The following SHC4 variants were observed in gnomAD, a reference collection of about 807,000 sequenced individuals.
SHC4 encodes the protein SHC-transforming protein 4.
SHC4 carries 41 observed loss-of-function variants against 69.4 expected under a neutral mutation model. That is an observed-to-expected ratio of 0.59 (90% CI 0.46 to 0.77). The LOEUF is 0.77. Ranked by LOEUF, SHC4 falls within the 30% of genes least tolerant of loss-of-function variation. SHC4 has a pLI of 0.00. For missense variants in SHC4, 777 were observed against 783.8 expected, an observed-to-expected ratio of 0.99 and a Z score of 0.10; for synonymous variants, 318 against 299.3, an observed-to-expected ratio of 1.06 and a Z score of -0.64.
chr15:48,901,337 G>A (rs939355283), intron 2 of SHC4, among the ~76,000 whole-genome samples: 1 of 152,104 alleles, frequency 6.6e-6, no homozygotes, highest in Non-Finnish European at 1.5e-5. Flanking sequence ...TCTTTTGCAA[G>A]GATTGTTTAT....
At chr15:48,878,246 G>A (rs1899860591) in intron 4 of SHC4, 2 of 1,611,394 alleles carry the variant, frequency 1.2e-6, no homozygotes, top group Non-Finnish European at 1.7e-6. Context: ...TGTGATGCCT[G>A]GCGAGGGTGA....
intron 2 of SHC4, among the ~76,000 whole-genome samples, chr15:48,920,491 T>G (rs530909531): frequency 1.3e-5 from 2 of 151,010 alleles, no homozygotes; most frequent in East Asian, 3.9e-4. Flanking sequence ...TAGTTGTATG[T>G]AAAAATAAAA....
At chr15:48,956,751 A>T (rs1901460243) in intron 1 of SHC4, among the ~76,000 whole-genome samples, 1 of 152,134 alleles carries the variant, frequency 6.6e-6, no homozygotes, top group Non-Finnish European at 1.5e-5. Flanking sequence ...AGGGTGCTAA[A>T]ATAGAAGTGA....
chr15:48,865,944 G>A (rs560517516), intron 6 of SHC4, among the ~76,000 whole-genome samples: 3 of 152,264 alleles, frequency 2.0e-5, no homozygotes, highest in South Asian at 4.1e-4. Flanking sequence ...GCAGGCATGT[G>A]GATCCTTCTT....
At chr15:48,906,734 C>T (rs12232276) in intron 2 of SHC4, among the ~76,000 whole-genome samples, 20,509 of 152,174 alleles carry the variant, frequency 0.13, 1,490 homozygotes, top group East Asian at 0.18. Context: ...TTGTTTACTG[C>T]TCCTCAGGTT....
At chr15:48,891,911 G>T (rs1435831534) in intron 2 of SHC4, among the ~76,000 whole-genome samples, 2 of 152,088 alleles carry the variant, frequency 1.3e-5, no homozygotes, top group Non-Finnish European at 2.9e-5. Flanking sequence ...CTGGAGTGCA[G>T]TGGCGCGATC....
At chr15:48,876,578 G>A (rs1368485735) in intron 4 of SHC4, 2 of 696,332 alleles carry the variant, frequency 2.9e-6, no homozygotes, top group Admixed American at 2.0e-5. Context: ...TAGGCTGTCT[G>A]CAGGCTAAGG....
chr15:48,962,956 C>T lies in SHC4; in HGVS notation c.60G>A (p.Gly20=), dbSNP rs1221707430. ...TGGCCCTGTGCAGCATCCCGGGGTG[C>T]CCGAAGAGTCCTACATACAGCACGA... ...AGLVLYVGLF[G]HPGMLHRAKY... is the part of the protein sequence containing the mutation. The change falls in exon 1 of 12, where the codon GGG becomes GGA. Residue 20 remains glycine, a synonymous_variant. Coordinates refer to ENST00000332408, the MANE Select transcript of SHC4 (RefSeq NM_203349.4). The T allele has an allele frequency of 2.5e-6, 4 of 1,612,928 alleles. No homozygotes were observed. The highest frequency in any genetic ancestry group is 3.4e-6 in the Non-Finnish European group (4 of 1,179,956).
At chr15:48,862,383 T>C (rs536976106) in intron 6 of SHC4, among the ~76,000 whole-genome samples, 8 of 152,296 alleles carry the variant, frequency 5.3e-5, no homozygotes, top group African/African-American at 1.7e-4. Flanking sequence ...AAGCAGGGTG[T>C]ATTAATCACT....
chr15:48,939,872 G>T (rs1347579253), intron 1 of SHC4, among the ~76,000 whole-genome samples: 2 of 152,200 alleles, frequency 1.3e-5, no homozygotes, highest in Non-Finnish European at 2.9e-5. Context: ...TGCTCTGAAA[G>T]GTTAGGCAAA....
intron 2 of SHC4, among the ~76,000 whole-genome samples, chr15:48,908,898 T>C (rs941328483): frequency 6.6e-6 from 1 of 152,320 alleles, no homozygotes; most frequent in Admixed American, 6.5e-5. Context: ...TTCTGTTCCG[T>C]TGGTGTATGT....
chr15:48,905,267 C>T (rs1291548807), intron 2 of SHC4, among the ~76,000 whole-genome samples: 1 of 152,164 alleles, frequency 6.6e-6, no homozygotes, highest in Non-Finnish European at 1.5e-5. Flanking sequence ...ATCCTTCCAG[C>T]TCCAGGGACT....
chr15:48,839,990 TGAAAA>T (rs1272606347), intron 10 of SHC4, among the ~76,000 whole-genome samples: 3 of 152,166 alleles, frequency 2.0e-5, no homozygotes, highest in Non-Finnish European at 4.4e-5. Context: ...CAATCGCAGG[TGAAAA>T]GAAATGATGT....
At position 48,835,007 on chromosome 15, in the gene SHC4, A is replaced by C; in HGVS notation, c.1499T>G (p.Val500Gly). Residue 500 changes from valine to glycine, a missense_variant, in exon 11 of 12, where the codon GTT (valine) becomes GGT (glycine). Physicochemically the swap from Val to Gly is moderately radical, Grantham distance 109. Coordinates refer to ENST00000332408, the MANE Select transcript of SHC4 (RefSeq NM_203349.4). ...PWHCGKAPETVQPGATAQPAS... is the reference protein window; with the variant it reads ...PWHCGKAPETGQPGATAQPAS... ...AGGCTGGGCTGTGGCACCCGGCTGA[A>C]CAGTTTCTGGTGCCTCTGAAGTCAG... The C allele has an allele frequency of 1.2e-6, 2 of 1,611,516 alleles. No homozygotes were observed. Among genetic ancestry groups the C allele is most frequent in the Non-Finnish European group, 1.7e-6 (2 of 1,178,938 alleles).
rs770586953 is a variant in SHC4, at chr15:48,962,755, G to C, written c.261C>G (p.Ile87Met). The stretch of plus-strand genomic sequence containing the variant: ...CCAGCTTCATGCTTGCCATGCGGGG[G>C]ATCAAGGTGCACAGTGGGGTGGGGC... ...QESPTPLCTL[I>M]PRMASMKLAN... Residue 87 changes from isoleucine (I) to methionine (M), a missense_variant, in exon 1 of 12, where the codon ATC (isoleucine) becomes ATG (methionine). Transcript: ENST00000332408. The C allele has an allele frequency of 6.2e-7, 1 of 1,613,176 alleles. No individual in the cohort carries two copies. Among genetic ancestry groups the C allele is most frequent in the Non-Finnish European group, 8.5e-7 (1 of 1,180,002 alleles).
At chr15:48,830,235 G>C (rs987358234) in intron 11 of SHC4, among the ~76,000 whole-genome samples, 2 of 151,812 alleles carry the variant, frequency 1.3e-5, no homozygotes, top group East Asian at 1.9e-4. Context: ...ATTACCATGG[G>C]GCTCGCATAA....
intron 2 of SHC4, among the ~76,000 whole-genome samples, chr15:48,907,213 CT>C (rs1218175781): frequency 1.9e-3 from 275 of 143,272 alleles, no homozygotes; most frequent in African/African-American, 2.2e-3. Flanking sequence ...TGATTTCTTT[CT>C]TTTTTTTTTT....
At chr15:48,874,183 A>C (rs1223079810) in intron 4 of SHC4, among the ~76,000 whole-genome samples, 2 of 152,210 alleles carry the variant, frequency 1.3e-5, no homozygotes, top group African/African-American at 4.8e-5. Flanking sequence ...AACAAAGACA[A>C]AATATTCCTG....
intron 2 of SHC4, among the ~76,000 whole-genome samples, chr15:48,905,524 TATCAAA>T (rs1199936349): frequency 6.6e-6 from 1 of 152,186 alleles, no homozygotes; most frequent in Non-Finnish European, 1.5e-5. Flanking sequence ...CCACTGTATC[TATCAAA>T]ATCAAAATTA....
Sources: gnomAD v4.1 joint callset for allele counts (sites outside exome capture counted in the v4.1 genomes callset) on GRCh38, gnomAD v4.1.1 for gene constraint, MANE v1.5 for transcripts, NCBI Gene and HGNC (gene_info 2026-07-23, HGNC 2026-07-21) for gene names.